ARL15: variants seen among roughly 807,000 people sequenced by gnomAD.
The protein encoded by ARL15 is ADP-ribosylation factor-like protein 15.
In ARL15, 19 loss-of-function variants were observed where a neutral mutation model predicts 25.2. The ratio of observed to expected loss-of-function variants is 0.75; its 90% CI spans 0.53 to 1.10. The LOEUF is 1.10. Among genes scored for constraint, ARL15 ranks in the 50% least tolerant of loss-of-function variants. The pLI is 0.00. For synonymous variants in ARL15, 94 were observed against 86.8 expected (o/e 1.08, Z -0.46); for missense variants, 220 against 246.0 (o/e 0.89, Z 0.71).
At chr5:54,258,612 A>G (rs144900893) in intron 1 of ARL15, among the ~76,000 whole-genome samples, 101 of 152,336 alleles carry the variant, frequency 6.6e-4, no homozygotes, top group African/African-American at 2.3e-3. Context: ...TCCAGAATGT[A>G]CAAATTCCCC....
intron 4 of ARL15, among the ~76,000 whole-genome samples, chr5:53,896,663 A>ATTT (rs1744884947): frequency 6.6e-6 from 1 of 151,696 alleles, no homozygotes; most frequent in Admixed American, 6.6e-5. Context: ...CGCCCGGCTA[A>ATTT]TTTTTTGTAT....
intron 1 of ARL15, among the ~76,000 whole-genome samples, chr5:54,255,929 G>A (rs1329738557): frequency 6.6e-6 from 1 of 151,886 alleles, no homozygotes; most frequent in Non-Finnish European, 1.5e-5. Context: ...AGTGCTAAGA[G>A]GAAAGTTTAT....
At chr5:54,228,355 T>G (rs1756579073) in intron 1 of ARL15, among the ~76,000 whole-genome samples, 4 of 152,164 alleles carry the variant, frequency 2.6e-5, no homozygotes, top group Admixed American at 2.6e-4. Flanking sequence ...AAATTGTAAC[T>G]AAATCACCAA....
intron 1 of ARL15, among the ~76,000 whole-genome samples, chr5:54,238,407 T>C (rs35503723): frequency 0.073 from 11,051 of 152,174 alleles, 544 homozygotes; most frequent in African/African-American, 0.13. Context: ...CCAGCAACCG[T>C]TGGAACCCTG....
chr5:54,037,955 G>C (rs57829885), intron 4 of ARL15, among the ~76,000 whole-genome samples: 10 of 151,854 alleles, frequency 6.6e-5, no homozygotes, highest in Admixed American at 2.0e-4. Flanking sequence ...TTATCTATCC[G>C]AATCTCCAAA....
At chr5:54,287,859 A>G (rs1000073012) in intron 1 of ARL15, among the ~76,000 whole-genome samples, 2 of 152,164 alleles carry the variant, frequency 1.3e-5, no homozygotes, top group African/African-American at 2.4e-5. Flanking sequence ...TAGCTGACCA[A>G]CAACCATGGT....
At chr5:54,087,583 A>G (rs2112131907) in intron 4 of ARL15, among the ~76,000 whole-genome samples, 1 of 152,316 alleles carries the variant, frequency 6.6e-6, no homozygotes, top group Admixed American at 6.5e-5. Flanking sequence ...AACTGCACTT[A>G]CCACAAATAT....
intron 4 of ARL15, among the ~76,000 whole-genome samples, chr5:54,075,073 G>GAAGGAAAAAAAA (rs1751551501): frequency 1.6e-5 from 1 of 63,926 alleles, no homozygotes; most frequent in African/African-American, 6.4e-5. Context: ...CAGAATACAG[G>GAAGGAAAAAAAA]AAAAAAAAAA....
chr5:54,206,638 A>T (rs13358454), intron 1 of ARL15, among the ~76,000 whole-genome samples: 48,758 of 152,064 alleles, frequency 0.32, 8,271 homozygotes, highest in Middle Eastern at 0.39. Context: ...GCCAGACAAA[A>T]AAAATGAGGA....
intron 4 of ARL15, among the ~76,000 whole-genome samples, chr5:53,901,720 T>G (rs1235907032): frequency 1.3e-5 from 2 of 152,152 alleles, no homozygotes; most frequent in Non-Finnish European, 2.9e-5. Flanking sequence ...GTTGAAGATA[T>G]GAGTTCCATA....
intron 4 of ARL15, among the ~76,000 whole-genome samples, chr5:54,000,562 G>A (rs1491001799): frequency 3.3e-5 from 5 of 152,138 alleles, no homozygotes; most frequent in Admixed American, 6.5e-5. Flanking sequence ...AACCCTGGAT[G>A]GCAAATCCTG....
intron 1 of ARL15, among the ~76,000 whole-genome samples, chr5:54,288,875 T>C (rs1023880389): frequency 2.0e-4 from 31 of 152,174 alleles, no homozygotes; most frequent in African/African-American, 7.5e-4. Flanking sequence ...GGCACCAGCT[T>C]CTCATGCATG....
chr5:54,288,666 T>G (rs1758243939), intron 1 of ARL15, among the ~76,000 whole-genome samples: 1 of 152,186 alleles, frequency 6.6e-6, no homozygotes, highest in Non-Finnish European at 1.5e-5. Context: ...TACATGTATT[T>G]TATAATTCAA....
intron 4 of ARL15, among the ~76,000 whole-genome samples, chr5:53,944,598 C>A (rs1321138511): frequency 6.6e-6 from 1 of 151,950 alleles, no homozygotes; most frequent in African/African-American, 2.4e-5. Flanking sequence ...CCTCAAAAAA[C>A]AAACAAACAA....
chr5:54,303,772 G>A (rs1418163559), intron 1 of ARL15, among the ~76,000 whole-genome samples: 1 of 129,906 alleles, frequency 7.7e-6, no homozygotes, highest in Non-Finnish European at 1.6e-5. Flanking sequence ...AGGGAGGGAA[G>A]AAAAACGAAA....
chr5:54,215,510 A>G (rs1258626528), intron 1 of ARL15, among the ~76,000 whole-genome samples: 2 of 151,658 alleles, frequency 1.3e-5, no homozygotes, highest in Non-Finnish European at 2.9e-5. Flanking sequence ...TGCTAATGCT[A>G]TCATGAAGTC....
At chr5:54,290,024 G>A (rs1579986160) in intron 1 of ARL15, among the ~76,000 whole-genome samples, 1 of 152,064 alleles carries the variant, frequency 6.6e-6, no homozygotes, top group Admixed American at 6.5e-5. Context: ...GTCTCCGCCT[G>A]CTGTCACCTG....
intron 3 of ARL15, among the ~76,000 whole-genome samples, chr5:54,124,433 T>G (rs1418761637): frequency 6.6e-6 from 1 of 152,138 alleles, no homozygotes; most frequent in Non-Finnish European, 1.5e-5. Context: ...TTTTCTTATA[T>G]ACAAATGACT....
At chr5:54,134,819 G>C (rs957641652) in intron 3 of ARL15, among the ~76,000 whole-genome samples, 18 of 151,918 alleles carry the variant, frequency 1.2e-4, no homozygotes, top group African/African-American at 4.1e-4. Flanking sequence ...TCTTGACATG[G>C]TGATCTGCCC....
Sources: allele counts gnomAD v4.1 joint callset (sites outside exome capture counted in the v4.1 genomes callset), GRCh38; gene constraint gnomAD v4.1.1; transcripts MANE v1.5; gene names NCBI Gene and HGNC (gene_info 2026-07-23, HGNC 2026-07-21).